Variants in SNX7 observed in about 807,000 individuals in gnomAD.
SNX7 encodes sorting nexin 7, also known as sorting nexin-7.
SNX7 carries 35 observed loss-of-function variants against 48.4 expected under a neutral mutation model. That is an observed-to-expected ratio of 0.72 (90% CI 0.55 to 0.96). The LOEUF (loss-of-function observed/expected upper bound fraction) is 0.96. Among genes scored for constraint, SNX7 ranks in the 40% least tolerant of loss-of-function variants. SNX7 has a pLI of 0.00. For synonymous variants in SNX7, 190 were observed against 190.2 expected (o/e 1.00, Z 0.01); for missense variants, 553 against 548.9 (o/e 1.01, Z -0.07).
chr1:98,699,692 A>AT (rs1229003443), intron 6 of SNX7, among the ~76,000 whole-genome samples: 1 of 151,876 alleles, frequency 6.6e-6, no homozygotes, highest in Non-Finnish European at 1.5e-5. Flanking sequence ...ATTTCTTTCA[A>AT]TTTTTTTCTT....
At chr1:98,731,151 C>CTT (rs368167768) in intron 7 of SNX7, among the ~76,000 whole-genome samples, 79,802 of 143,408 alleles carry the variant, frequency 0.56, 22,693 homozygotes, top group Non-Finnish European at 0.63. Context: ...GTATTCCTGC[C>CTT]TTTTTTTTTT....
intron 1 of SNX7, among the ~76,000 whole-genome samples, chr1:98,667,541 AT>A (rs879642770): frequency 1.6e-3 from 231 of 142,652 alleles, no homozygotes; most frequent in Middle Eastern, 3.6e-3. Context: ...CACACCCAGC[AT>A]TTTTTTTTTT....
At chr1:98,708,354 C>T (rs1236462956) in intron 7 of SNX7, among the ~76,000 whole-genome samples, 1 of 152,072 alleles carries the variant, frequency 6.6e-6, no homozygotes, top group Non-Finnish European at 1.5e-5. Flanking sequence ...GCTGACATTT[C>T]CTCAAAACTT....
chr1:98,662,263 C>A, intron 1 of SNX7: 1 of 180,546 alleles, frequency 5.5e-6, no homozygotes, highest in Non-Finnish European at 1.1e-5. Flanking sequence ...AGGCTGGTGG[C>A]TCAAAACCGC....
chr1:98,668,129 T>C (rs1649642710), intron 1 of SNX7, among the ~76,000 whole-genome samples: 1 of 152,128 alleles, frequency 6.6e-6, no homozygotes, highest in Admixed American at 6.5e-5. Context: ...CTTTTTGAGG[T>C]AGCATATATG....
intron 1 of SNX7, among the ~76,000 whole-genome samples, chr1:98,673,852 G>A (rs1286351603): frequency 6.6e-6 from 1 of 152,190 alleles, no homozygotes; most frequent in Non-Finnish European, 1.5e-5. Context: ...GCATGTATGT[G>A]TTGCTAAGGC....
intron 2 of SNX7, among the ~76,000 whole-genome samples, chr1:98,686,374 A>G (rs1355011603): frequency 2.0e-5 from 3 of 152,150 alleles, no homozygotes; most frequent in Non-Finnish European, 4.4e-5. Context: ...GTAGGGTTGC[A>G]GTAGAATAAG....
intron 1 of SNX7, among the ~76,000 whole-genome samples, chr1:98,671,513 C>CT (rs994671239): frequency 6.6e-6 from 1 of 152,008 alleles, no homozygotes; most frequent in African/African-American, 2.4e-5. Flanking sequence ...ATGACATGCT[C>CT]TTTTTTTCTT....
At chr1:98,713,829 C>T (rs896287077) in intron 7 of SNX7, among the ~76,000 whole-genome samples, 8 of 152,246 alleles carry the variant, frequency 5.3e-5, no homozygotes, top group Admixed American at 1.3e-4. Context: ...CAATTCTGCC[C>T]CCTCTTCCAA....
intron 1 of SNX7, among the ~76,000 whole-genome samples, chr1:98,677,016 T>G (rs1650201045): frequency 6.6e-6 from 1 of 152,210 alleles, no homozygotes; most frequent in African/African-American, 2.4e-5. Context: ...TTTATAATCT[T>G]ACACATAACA....
intron 8 of SNX7, among the ~76,000 whole-genome samples, chr1:98,750,916 C>T (rs932471195): frequency 6.6e-6 from 1 of 152,000 alleles, no homozygotes; most frequent in East Asian, 1.9e-4. Context: ...CAAAGCAGAG[C>T]GAGGCATATT....
At chr1:98,736,117 C>T (rs4606336) in intron 7 of SNX7, among the ~76,000 whole-genome samples, 23,436 of 152,160 alleles carry the variant, frequency 0.15, 1,895 homozygotes, top group South Asian at 0.18. Context: ...CCATTATAAG[C>T]TCCATCAGGC....
At position 98,760,188 on chromosome 1, in the gene SNX7, T is replaced by C; in HGVS notation, c.*57T>C. ...AGACAGCATTTATTAACCAAAGTTA[T>C]TCTTTCTGGATCTGCCGTGTCCTTA... On this transcript the variant is annotated 3_prime_UTR_variant, in exon 9 of 9. Transcript: ENST00000306121. The C allele has an allele frequency of 7.5e-7, 1 of 1,332,938 alleles. No homozygotes were observed. Among genetic ancestry groups the C allele is most frequent in the Non-Finnish European group, 1.1e-6 (1 of 925,288 alleles). 82.6% of individuals were successfully genotyped at this position (1,332,938 alleles called of 1,614,324 possible). A position where few individuals can be genotyped will look rare whatever the true frequency, so the allele number is the denominator to read the frequency against.
intron 8 of SNX7, among the ~76,000 whole-genome samples, chr1:98,756,661 C>G (rs1465104975): frequency 6.6e-6 from 1 of 151,680 alleles, no homozygotes; most frequent in Non-Finnish European, 1.5e-5. Flanking sequence ...GCACCCTCCG[C>G]ATATCTCCAG....
intron 7 of SNX7, among the ~76,000 whole-genome samples, chr1:98,713,001 G>T (rs1399942011): frequency 6.7e-6 from 1 of 149,480 alleles, no homozygotes; most frequent in African/African-American, 2.5e-5. Flanking sequence ...TAAGGCAGGA[G>T]AATTGCTTAA....
At chr1:98,714,052 C>T (rs9434426) in intron 7 of SNX7, among the ~76,000 whole-genome samples, 43,706 of 152,000 alleles carry the variant, frequency 0.29, 6,824 homozygotes, top group Non-Finnish European at 0.34. Context: ...ATCTGCAAAG[C>T]ACAGAAAAGC....
intron 8 of SNX7, among the ~76,000 whole-genome samples, chr1:98,749,115 A>T (rs1654452289): frequency 6.6e-6 from 1 of 152,178 alleles, no homozygotes; most frequent in South Asian, 2.1e-4. Flanking sequence ...TGTGGTATAG[A>T]AAAAGTATGA....
intron 5 of SNX7, 100 bp from the exon 6 acceptor site, chr1:98,698,606 C>A: frequency 2.1e-6 from 2 of 970,092 alleles, no homozygotes; most frequent in Non-Finnish European, 3.0e-6. Context: ...AGAACATGTG[C>A]ACTGTGAGAG....
chr1:98,754,241 A>G (rs1470094182), intron 8 of SNX7, among the ~76,000 whole-genome samples: 2 of 152,074 alleles, frequency 1.3e-5, no homozygotes, highest in African/African-American at 4.8e-5. Context: ...ATAATTCTTT[A>G]TAGAAATTAC....
Sources: allele counts gnomAD v4.1 joint callset (sites outside exome capture counted in the v4.1 genomes callset), GRCh38; gene constraint gnomAD v4.1.1; transcripts MANE v1.5; gene names NCBI Gene and HGNC (gene_info 2026-07-23, HGNC 2026-07-21).